PAM: variants seen among roughly 807,000 people sequenced by gnomAD.
PAM encodes peptidylglycine alpha-amidating monooxygenase.
A neutral mutation model predicts 122.1 loss-of-function variants in PAM; 72 were observed. That is an observed-to-expected ratio of 0.59 (90% CI 0.49 to 0.72). The LOEUF (loss-of-function observed/expected upper bound fraction) is 0.72, where lower values mean the gene tolerates loss of function less well. PAM is among the 30% of genes least tolerant of loss of function. The probability of loss-of-function intolerance (pLI) is 0.00; values close to 1 mark genes in which losing one functional copy is unlikely to be tolerated. For synonymous variants in PAM, 389 were observed against 404.4 expected, an observed-to-expected ratio of 0.96 and a Z score of 0.46; for missense variants, 1,106 against 1,183.7, an observed-to-expected ratio of 0.93 and a Z score of 0.96.
At chr5:102,840,644 A>G (rs891033693) in intron 1 of PAM, among the ~76,000 whole-genome samples, 1 of 152,172 alleles carries the variant, frequency 6.6e-6, no homozygotes, top group Admixed American at 6.5e-5. Flanking sequence ...AAGGTGATAT[A>G]TTTTCCATAT....
chr5:103,022,900 C>T (rs1032988261), intron 23 of PAM, among the ~76,000 whole-genome samples: 1 of 152,102 alleles, frequency 6.6e-6, no homozygotes, highest in South Asian at 2.1e-4. Flanking sequence ...CATACAAATG[C>T]TCTTGTGAAG....
chr5:102,918,378 A>G (rs1746192680), intron 5 of PAM, among the ~76,000 whole-genome samples: 1 of 152,194 alleles, frequency 6.6e-6, no homozygotes, highest in African/African-American at 2.4e-5. Flanking sequence ...TAGATTTATT[A>G]GCTGAATATG....
At chr5:102,863,980 A>G (rs1232271481) in intron 1 of PAM, among the ~76,000 whole-genome samples, 1 of 151,362 alleles carries the variant, frequency 6.6e-6, no homozygotes, top group Non-Finnish European at 1.5e-5. Flanking sequence ...AGGTAATAAA[A>G]TCAAAGAGAT....
Position 102,960,259 on chromosome 5 carries a change from G to A in PAM, c.1090+200G>A, listed in dbSNP as rs546516613. Reference sequence around the variant, plus strand: ...ACATGTACCCATCAGAACAGTTAAAGAGGAAAATCTCAGCCAGGGATGAAA... The same window carrying A: ...ACATGTACCCATCAGAACAGTTAAAAAGGAAAATCTCAGCCAGGGATGAAA... On this transcript the variant is annotated intron_variant, in intron 13 of 25. Coordinates refer to ENST00000438793, the MANE Select transcript of PAM (RefSeq NM_001177306.2). Among the ~76,000 whole-genome samples the A allele has an allele frequency of 5.3e-5, 8 of 152,002 alleles. No individual in the cohort carries two copies. In the South Asian group the frequency reaches 1.7e-3, roughly 32 times the overall value.
chr5:102,828,673 C>T (rs745879866), intron 1 of PAM, among the ~76,000 whole-genome samples: 1 of 152,042 alleles, frequency 6.6e-6, no homozygotes, highest in Non-Finnish European at 1.5e-5. Flanking sequence ...AGAAGGTGCC[C>T]AATAAAGTTT....
At chr5:102,855,922 GAAGCAGTACA>G (rs1287155695) in intron 1 of PAM, among the ~76,000 whole-genome samples, 1 of 151,944 alleles carries the variant, frequency 6.6e-6, no homozygotes, top group Non-Finnish European at 1.5e-5. Context: ...ACCCACAAAA[GAAGCAGTACA>G]AAGCATTAAT....
At chr5:102,862,727 G>T (rs763477640) in intron 1 of PAM, among the ~76,000 whole-genome samples, 1 of 152,172 alleles carries the variant, frequency 6.6e-6, no homozygotes, top group Non-Finnish European at 1.5e-5. Flanking sequence ...TATTAATTTA[G>T]TTTTTGCTGG....
intron 13 of PAM, among the ~76,000 whole-genome samples, chr5:102,960,844 C>T (rs1236143596): frequency 2.0e-5 from 3 of 151,058 alleles, no homozygotes; most frequent in Non-Finnish European, 4.4e-5. Context: ...TAAAACAGTG[C>T]TAAATTTAAT....
At chr5:102,780,837 CTGTCTT>C (rs1234585389) in intron 1 of PAM, among the ~76,000 whole-genome samples, 37 of 123,360 alleles carry the variant, frequency 3.0e-4, no homozygotes, top group Non-Finnish European at 5.4e-4. Context: ...CTTTCTTTCT[CTGTCTT>C]TCTCTCTCTC....
chr5:103,030,527 T>C (rs1407476676), downstream of PAM: 1 of 152,226 alleles, frequency 6.6e-6, no homozygotes, highest in African/African-American at 2.4e-5. Context: ...AAACGGTAAG[T>C]CTGCTAGGGC....
intron 16 of PAM, among the ~76,000 whole-genome samples, chr5:103,002,831 G>A (rs920331845): frequency 2.0e-5 from 3 of 152,104 alleles, no homozygotes; most frequent in Admixed American, 1.3e-4. Flanking sequence ...CAATGCTTCC[G>A]TTCCACTGAC....
At chr5:102,928,839 T>G (rs1029565325) in intron 7 of PAM, among the ~76,000 whole-genome samples, 2 of 152,266 alleles carry the variant, frequency 1.3e-5, no homozygotes, top group African/African-American at 2.4e-5. Context: ...TCTAGGCTTT[T>G]GTCCTAAAGA....
chr5:102,934,017 A>G (rs1752447014), intron 7 of PAM, among the ~76,000 whole-genome samples: 1 of 152,182 alleles, frequency 6.6e-6, no homozygotes, highest in South Asian at 2.1e-4. Context: ...CTTTCCAGTG[A>G]GATACATTAA....
intron 2 of PAM, 23 bp from the exon 3 acceptor site, chr5:102,867,250 T>G: frequency 6.5e-7 from 1 of 1,550,298 alleles, no homozygotes; most frequent in South Asian, 1.1e-5. Flanking sequence ...TTCAAGAATA[T>G]TGAAATTGCC....
At chr5:102,952,054 T>C (rs538190259) in intron 12 of PAM, among the ~76,000 whole-genome samples, 1 of 152,184 alleles carries the variant, frequency 6.6e-6, no homozygotes, top group African/African-American at 2.4e-5. Flanking sequence ...TGCAGAGCCA[T>C]AGGTAGTTTA....
At chr5:102,942,677 G>C (rs1454075531) in intron 7 of PAM, among the ~76,000 whole-genome samples, 1 of 151,490 alleles carries the variant, frequency 6.6e-6, no homozygotes, top group Non-Finnish European at 1.5e-5. Flanking sequence ...CGACCTCCCA[G>C]GCACAAGCAA....
chr5:102,780,054 A>G lies in PAM; in HGVS notation c.-374+24706A>G, dbSNP rs559179059. 2.9e-4 allele frequency among the ~76,000 whole-genome samples: 44 copies of G among 151,812 alleles called. 1 individual carries two copies. The South Asian group carries it at 8.7e-3, about 30-fold the overall frequency. The stretch of plus-strand genomic sequence containing the variant: ...AAATAATTTATAAGTTTTTAATTGT[A>G]CACCATTCTGAATAGCATGATGAAA... On this transcript the variant is annotated intron_variant, in intron 1 of 25. Coordinates refer to ENST00000438793, the MANE Select transcript of PAM (RefSeq NM_001177306.2).
At chr5:102,780,718 C>T (rs1006293664) in intron 1 of PAM, among the ~76,000 whole-genome samples, 2 of 152,114 alleles carry the variant, frequency 1.3e-5, no homozygotes, top group African/African-American at 4.8e-5. Context: ...TGCTCTAAGG[C>T]AGGTTTCTTA....
intron 1 of PAM, among the ~76,000 whole-genome samples, chr5:102,771,358 A>G (rs1755739460): frequency 6.6e-6 from 1 of 152,048 alleles, no homozygotes; most frequent in Non-Finnish European, 1.5e-5. Flanking sequence ...CAAAGTGAAA[A>G]CAAACCCATT....
Sources: gnomAD v4.1 joint callset for allele counts (sites outside exome capture counted in the v4.1 genomes callset) on GRCh38, gnomAD v4.1.1 for gene constraint, MANE v1.5 for transcripts, NCBI Gene and HGNC (gene_info 2026-07-23, HGNC 2026-07-21) for gene names.